The following EFNA5 variants were observed in gnomAD, a reference collection of about 807,000 sequenced individuals.
EFNA5 encodes ephrin-A5.
A neutral mutation model predicts 22.9 loss-of-function variants in EFNA5; 5 were observed. The observed-to-expected ratio is 0.22, with a 90% confidence interval of 0.11 to 0.46. The LOEUF (loss-of-function observed/expected upper bound fraction) is 0.46. EFNA5 is among the 20% of genes least tolerant of loss of function. The pLI is 0.99. For missense variants in EFNA5, 237 were observed against 293.3 expected (o/e 0.81, Z 1.40); for synonymous variants, 113 against 112.2 (o/e 1.01, Z -0.04).
chr5:107,441,814 C>T (rs1749264075), intron 1 of EFNA5, among the ~76,000 whole-genome samples: 1 of 152,078 alleles, frequency 6.6e-6, no homozygotes, highest in Admixed American at 6.6e-5. Flanking sequence ...ATTTCTTTGA[C>T]AATTAGGACA....
chr5:107,440,540 T>C (rs1749228871), intron 1 of EFNA5, among the ~76,000 whole-genome samples: 1 of 152,152 alleles, frequency 6.6e-6, no homozygotes, highest in African/African-American at 2.4e-5. Flanking sequence ...ACAAAGACGA[T>C]GAAATAAGCA....
intron 1 of EFNA5, among the ~76,000 whole-genome samples, chr5:107,559,274 G>C (rs1243846795): frequency 6.6e-6 from 1 of 152,172 alleles, no homozygotes; most frequent in Non-Finnish European, 1.5e-5. Flanking sequence ...AACTTCTGCT[G>C]TCTGGGGCTT....
chr5:107,514,546 C>A (rs944364693), intron 1 of EFNA5, among the ~76,000 whole-genome samples: 1 of 152,034 alleles, frequency 6.6e-6, no homozygotes, highest in Non-Finnish European at 1.5e-5. Context: ...GTGTGGGAGA[C>A]CCAAGGAAGC....
chr5:107,455,980 A>C (rs1035943681), intron 1 of EFNA5, among the ~76,000 whole-genome samples: 1 of 152,160 alleles, frequency 6.6e-6, no homozygotes, highest in African/African-American at 2.4e-5. Flanking sequence ...ACTACCTAGA[A>C]ATGCTTCATA....
chr5:107,488,818 AGTAGC>A (rs1374491799), intron 1 of EFNA5, among the ~76,000 whole-genome samples: 1 of 152,118 alleles, frequency 6.6e-6, no homozygotes, highest in Non-Finnish European at 1.5e-5. Flanking sequence ...CAGCCTCCCA[AGTAGC>A]TGGGATTACA....
intron 1 of EFNA5, among the ~76,000 whole-genome samples, chr5:107,474,495 A>G (rs1392605320): frequency 6.6e-6 from 1 of 152,102 alleles, no homozygotes; most frequent in Non-Finnish European, 1.5e-5. Flanking sequence ...AGAGGATCAG[A>G]AACCCTTGTT....
intron 1 of EFNA5, among the ~76,000 whole-genome samples, chr5:107,485,311 T>C (rs946495056): frequency 1.1e-4 from 17 of 152,140 alleles, no homozygotes; most frequent in African/African-American, 4.1e-4. Context: ...AAAATGCAAA[T>C]TCAATGTAAA....
intron 2 of EFNA5, among the ~76,000 whole-genome samples, chr5:107,387,975 C>G (rs1032334720): frequency 1.3e-5 from 2 of 152,188 alleles, no homozygotes; most frequent in African/African-American, 2.4e-5. Flanking sequence ...TCCTGAGTTT[C>G]TCTTTTCAAT....
In EFNA5 at chr5:107,452,811, A is replaced by C. The variant is rs2112448057; in HGVS notation, c.126-25302T>G. Among the ~76,000 whole-genome samples the C allele has an allele frequency of 1.3e-5, 2 of 152,270 alleles. 1 individual carries two copies. Among genetic ancestry groups the C allele is most frequent in the South Asian group, 4.1e-4 (2 of 4,826 alleles). On this transcript the variant is annotated intron_variant, in intron 1 of 4. Coordinates refer to ENST00000333274, the MANE Select transcript of EFNA5 (RefSeq NM_001962.3). ...CCTTTAAAGAGTCATTTTCTACTTG[A>C]GCTTCTGGTTATTACATTACATACC...
At chr5:107,583,467 C>T (rs1421524598) in intron 1 of EFNA5, among the ~76,000 whole-genome samples, 1 of 152,176 alleles carries the variant, frequency 6.6e-6, no homozygotes, top group Non-Finnish European at 1.5e-5. Context: ...ATACAATGGG[C>T]ACAATTTCCC....
intron 1 of EFNA5, among the ~76,000 whole-genome samples, chr5:107,471,358 T>G (rs544249867): frequency 6.6e-6 from 1 of 152,308 alleles, no homozygotes; most frequent in African/African-American, 2.4e-5. Flanking sequence ...TCTGTTAAGC[T>G]TTCATTACCT....
At chr5:107,560,221 C>T (rs766535849) in intron 1 of EFNA5, among the ~76,000 whole-genome samples, 4 of 152,072 alleles carry the variant, frequency 2.6e-5, no homozygotes, top group African/African-American at 9.7e-5. Context: ...TGCTTATCAG[C>T]CAATATACGA....
At chr5:107,418,737 C>T (rs1748573791) in intron 2 of EFNA5, among the ~76,000 whole-genome samples, 1 of 152,184 alleles carries the variant, frequency 6.6e-6, no homozygotes, top group Admixed American at 6.5e-5. Context: ...CCGTGAATTT[C>T]CATCAAGTCC....
At chr5:107,558,222 C>T (rs1004047603) in intron 1 of EFNA5, among the ~76,000 whole-genome samples, 1 of 152,068 alleles carries the variant, frequency 6.6e-6, no homozygotes, top group African/African-American at 2.4e-5. Context: ...TTTTAACCCC[C>T]ACTCCCGGCA....
rs143290934 is a variant in EFNA5 at position 107,584,671 on chromosome 5, G to A, written c.125+85818C>T. On this transcript the variant is annotated intron_variant, in intron 1 of 4. Transcript: ENST00000333274. ...TCCTTCCCAGGTGACAGCATTTACT[G>A]ATAGTTACTGCTGATGAGCAACTTG... is the stretch of plus-strand genomic sequence containing the variant. Among the ~76,000 whole-genome samples, 678 of 152,294 alleles carry A rather than the reference G, an allele frequency of 4.5e-3. 4 individuals carry two copies. Among genetic ancestry groups the A allele is most frequent in the Admixed American group, 5.9e-3 (90 of 15,302 alleles).
At chr5:107,527,784 A>G (rs1387431012) in intron 1 of EFNA5, among the ~76,000 whole-genome samples, 1 of 152,124 alleles carries the variant, frequency 6.6e-6, no homozygotes, top group East Asian at 1.9e-4. Flanking sequence ...AACCTCATAT[A>G]ACAGATAGGA....
chr5:107,427,654 G>C (rs1748843173), intron 1 of EFNA5, 145 bp from the exon 2 acceptor site: 3 of 675,444 alleles, frequency 4.4e-6, no homozygotes, highest in Non-Finnish European at 6.7e-6. Context: ...TTTGGGGCAT[G>C]GTTTGAAATG....
intron 1 of EFNA5, among the ~76,000 whole-genome samples, chr5:107,519,771 A>G (rs772223380): frequency 3.3e-5 from 5 of 152,262 alleles, no homozygotes; most frequent in African/African-American, 1.2e-4. Flanking sequence ...GAATATTTTT[A>G]CTTTAAAAAT....
At chr5:107,593,873 T>C (rs1425810789) in intron 1 of EFNA5, among the ~76,000 whole-genome samples, 3 of 152,220 alleles carry the variant, frequency 2.0e-5, no homozygotes, top group Non-Finnish European at 4.4e-5. Flanking sequence ...CCAGCCATCA[T>C]CTTCTTTCCA....
Sources: allele counts gnomAD v4.1 joint callset (sites outside exome capture counted in the v4.1 genomes callset), GRCh38; gene constraint gnomAD v4.1.1; transcripts MANE v1.5; gene names NCBI Gene and HGNC (gene_info 2026-07-23, HGNC 2026-07-21).